The following KCND2 variants were observed in gnomAD, a reference collection of about 807,000 sequenced individuals.
The protein encoded by KCND2 is potassium voltage-gated channel subfamily D member 2.
A neutral mutation model predicts 54.4 loss-of-function variants in KCND2; 16 were observed. The ratio of observed to expected loss-of-function variants is 0.29; its 90% CI spans 0.20 to 0.45. KCND2 has a LOEUF of 0.45. Among genes scored for constraint, KCND2 ranks in the 20% least tolerant of loss-of-function variants. KCND2 has a pLI of 1.00. For synonymous variants in KCND2, 317 were observed against 310.7 expected, an observed-to-expected ratio of 1.02 and a Z score of -0.21; for missense variants, 486 against 824.2, an observed-to-expected ratio of 0.59 and a Z score of 5.02.
At chr7:120,376,975 T>C (rs536030318) in intron 1 of KCND2, among the ~76,000 whole-genome samples, 1 of 152,064 alleles carries the variant, frequency 6.6e-6, no homozygotes, top group East Asian at 1.9e-4. Context: ...CCCTTAATGT[T>C]TCACCTGAAG....
intron 1 of KCND2, among the ~76,000 whole-genome samples, chr7:120,642,481 G>C (rs1369749801): frequency 1.3e-5 from 2 of 150,968 alleles, no homozygotes; most frequent in African/African-American, 4.9e-5. Context: ...AGAATCACTT[G>C]AACCCGGGAG....
chr7:120,490,564 A>G (rs944374853), intron 1 of KCND2, among the ~76,000 whole-genome samples: 3 of 152,140 alleles, frequency 2.0e-5, no homozygotes, highest in African/African-American at 7.2e-5. Flanking sequence ...AGATTTCACC[A>G]AAATACCAAA....
chr7:120,472,637 T>A (rs1802476007), intron 1 of KCND2, among the ~76,000 whole-genome samples: 1 of 151,724 alleles, frequency 6.6e-6, no homozygotes, highest in African/African-American at 2.4e-5. Context: ...GGCTGTTTTG[T>A]TTTTTTAACT....
At chr7:120,635,927 AATG>A (rs1793299278) in intron 1 of KCND2, among the ~76,000 whole-genome samples, 2 of 152,172 alleles carry the variant, frequency 1.3e-5, no homozygotes, top group Admixed American at 1.3e-4. Context: ...GAAGATTTCA[AATG>A]ATGAATATTC....
intron 1 of KCND2, among the ~76,000 whole-genome samples, chr7:120,362,122 A>G (rs778500744): frequency 1.2e-4 from 19 of 152,104 alleles, no homozygotes; most frequent in Non-Finnish European, 1.3e-4. Context: ...AAGCCTTTCC[A>G]TATGAAATTA....
intron 1 of KCND2, among the ~76,000 whole-genome samples, chr7:120,714,631 C>A (rs1792580800): frequency 6.6e-6 from 1 of 152,046 alleles, no homozygotes; most frequent in African/African-American, 2.4e-5. Flanking sequence ...CCTGGGGTGA[C>A]AATGGCATAA....
chr7:120,712,463 G>A (rs1792553722), intron 1 of KCND2, among the ~76,000 whole-genome samples: 1 of 150,482 alleles, frequency 6.6e-6, no homozygotes, highest in Non-Finnish European at 1.5e-5. Flanking sequence ...GTTTCACCAT[G>A]TTGCCTTGGC....
chr7:120,424,082 C>A (rs950975970), intron 1 of KCND2, among the ~76,000 whole-genome samples: 2 of 152,136 alleles, frequency 1.3e-5, no homozygotes, highest in African/African-American at 4.8e-5. Context: ...TTCTCTAAAT[C>A]CTGGCTATCA....
rs188143787 is a variant in KCND2 at position 120,314,375 on chromosome 7, A to G, written c.1115+38628A>G. Among the ~76,000 whole-genome samples, 41 of 152,152 alleles carry G rather than the reference A, an allele frequency of 2.7e-4. No individual in the cohort carries two copies. In the East Asian group the frequency reaches 7.5e-3, roughly 28 times the overall value. ...CATTTTTTTGGTTAGATTAAGGCAA[A>G]GAGAAAAGATAATATGGTTCTCTTT... On this transcript the variant is annotated intron_variant, in intron 1 of 5. Transcript: ENST00000331113.
chr7:120,551,050 A>G (rs1293003936), intron 1 of KCND2, among the ~76,000 whole-genome samples: 1 of 152,160 alleles, frequency 6.6e-6, no homozygotes, highest in Non-Finnish European at 1.5e-5. Flanking sequence ...ATTAAAGTTC[A>G]ATATAGCCTC....
chr7:120,636,736 A>G (rs567277551), intron 1 of KCND2, among the ~76,000 whole-genome samples: 49 of 152,264 alleles, frequency 3.2e-4, no homozygotes, highest in African/African-American at 1.1e-3. Flanking sequence ...AGATCTGTGA[A>G]ATAAATGACT....
intron 1 of KCND2, among the ~76,000 whole-genome samples, chr7:120,508,618 A>G (rs925574288): frequency 2.6e-5 from 4 of 152,042 alleles, no homozygotes; most frequent in African/African-American, 7.2e-5. Flanking sequence ...AAAGGAAGCC[A>G]AAGTCAAAAT....
chr7:120,714,377 C>A (rs1792577389), intron 1 of KCND2, among the ~76,000 whole-genome samples: 2 of 152,002 alleles, frequency 1.3e-5, no homozygotes, highest in Admixed American at 6.6e-5. Context: ...TTGTATAGAA[C>A]ACAATGAAAC....
chr7:120,464,727 G>C (rs562490512), intron 1 of KCND2, among the ~76,000 whole-genome samples: 1 of 152,254 alleles, frequency 6.6e-6, no homozygotes, highest in Non-Finnish European at 1.5e-5. Context: ...GTGGCTGTAG[G>C]TCTGAGGTCT....
chr7:120,382,523 T>C (rs904779698), intron 1 of KCND2, among the ~76,000 whole-genome samples: 1 of 151,908 alleles, frequency 6.6e-6, no homozygotes, highest in Non-Finnish European at 1.5e-5. Context: ...CACATGTTGA[T>C]AAAATTTTAC....
At chr7:120,388,063 A>G (rs1212617251) in intron 1 of KCND2, among the ~76,000 whole-genome samples, 1 of 152,072 alleles carries the variant, frequency 6.6e-6, no homozygotes, top group Admixed American at 6.6e-5. Flanking sequence ...TGATCTATTG[A>G]GTCAATTCTT....
intron 1 of KCND2, among the ~76,000 whole-genome samples, chr7:120,363,407 A>G (rs939287966): frequency 1.3e-5 from 2 of 152,136 alleles, no homozygotes; most frequent in Non-Finnish European, 2.9e-5. Flanking sequence ...ACATTTTAGC[A>G]ATATTAGGGA....
chr7:120,473,216 A>G (rs904193546), intron 1 of KCND2, among the ~76,000 whole-genome samples: 2 of 152,212 alleles, frequency 1.3e-5, no homozygotes, highest in Admixed American at 1.3e-4. Context: ...GTAGCAGTGT[A>G]TAACTTTCAT....
At chr7:120,739,888 G>A (rs1020003216) in intron 2 of KCND2, among the ~76,000 whole-genome samples, 7 of 151,614 alleles carry the variant, frequency 4.6e-5, no homozygotes, top group Admixed American at 1.3e-4. Context: ...TTGTAGATAA[G>A]CTCATCATCA....
Sources: allele counts gnomAD v4.1 joint callset (sites outside exome capture counted in the v4.1 genomes callset), GRCh38; gene constraint gnomAD v4.1.1; transcripts MANE v1.5; gene names NCBI Gene and HGNC (gene_info 2026-07-23, HGNC 2026-07-21).